The following BAZ2B variants were observed in gnomAD, a reference collection of about 807,000 sequenced individuals.
BAZ2B encodes bromodomain adjacent to zinc finger domain protein 2B.
BAZ2B carries 91 observed loss-of-function variants against 246.0 expected under a neutral mutation model. That is an observed-to-expected ratio of 0.37 (90% CI 0.31 to 0.44). The LOEUF is 0.44. Ranked by LOEUF, BAZ2B falls within the 20% of genes least tolerant of loss-of-function variation. The pLI is 1.00. For synonymous variants in BAZ2B, 855 were observed against 860.0 expected (o/e 0.99, Z 0.10); for missense variants, 2,332 against 2,533.7 (o/e 0.92, Z 1.71).
At chr2:159,323,360 A>T (rs1287364729) in intron 36 of BAZ2B, among the ~76,000 whole-genome samples, 2 of 152,130 alleles carry the variant, frequency 1.3e-5, no homozygotes, top group African/African-American at 4.8e-5. Context: ...GGTTTACGTT[A>T]ATCTTTTATC....
At chr2:159,414,377 C>T (rs1411224536) in intron 13 of BAZ2B, among the ~76,000 whole-genome samples, 3 of 151,768 alleles carry the variant, frequency 2.0e-5, no homozygotes, top group African/African-American at 7.3e-5. Flanking sequence ...ATGGTGACTA[C>T]AATCAACAAT....
Position 159,431,146 on chromosome 2 carries a change from A to G in BAZ2B, c.1911T>C (p.Ser637=), listed in dbSNP as rs767191448. 6.2e-7 allele frequency: 1 copy of G among 1,604,956 alleles called. No individual in the cohort carries two copies. The highest frequency in any genetic ancestry group is 2.2e-5 in the East Asian group (1 of 44,750). ...ATCCTTCTGTATCTGATTCTGAATT[A>G]CTATCTGATTCTGGGAAGTAAAAGA... is the stretch of plus-strand genomic sequence containing the variant. ...ESDDSQSESD[S]NSESDTEGSE... is the part of the protein sequence containing the mutation. Residue 637 remains serine (S), a synonymous_variant, in exon 10 of 37, where the codon AGT becomes AGC. Coordinates refer to ENST00000392783, the MANE Select transcript of BAZ2B (RefSeq NM_013450.4).
intron 1 of BAZ2B, among the ~76,000 whole-genome samples, chr2:159,558,871 T>G (rs77348133): frequency 6.0e-4 from 92 of 152,098 alleles, no homozygotes; most frequent in African/African-American, 2.1e-3. Flanking sequence ...TTAAGATGGG[T>G]AAAAGAAGAT....
At position 159,350,309 on chromosome 2, in the gene BAZ2B, C is replaced by T; in HGVS notation, c.4262G>A (p.Ser1421Asn). ...KEREKLKKAE[S>N]VQIKEEMFET... ...AAACATTTCTTCTTTGATCTGGACACTTTCTGCCTTTTTCAGTTTTTCTCT... is the reference window on the plus strand; with the variant it reads ...AAACATTTCTTCTTTGATCTGGACATTTTCTGCCTTTTTCAGTTTTTCTCT... Residue 1421 changes from serine to asparagine, a missense_variant, in exon 28 of 37, where the codon AGT becomes AAT. Ser to Asn is a conservative substitution (Grantham distance 46, BLOSUM62 1). This residue lies in a region of BAZ2B where 676 missense variants were observed against 668.6 expected (regional missense o/e 1.01). Coordinates refer to ENST00000392783, the MANE Select transcript of BAZ2B (RefSeq NM_013450.4). 6.3e-7 allele frequency: 1 copy of T among 1,579,328 alleles called. No homozygotes were observed. The highest frequency in any genetic ancestry group is 1.7e-4 in the Middle Eastern group (1 of 5,896).
intron 3 of BAZ2B, among the ~76,000 whole-genome samples, chr2:159,455,330 A>G (rs978141495): frequency 2.0e-5 from 3 of 152,144 alleles, no homozygotes; most frequent in Admixed American, 6.5e-5. Flanking sequence ...TAAAACCTAT[A>G]TTCTTTATTA....
downstream of BAZ2B, among the ~76,000 whole-genome samples, chr2:159,317,958 A>T (rs139156292): frequency 4.8e-3 from 736 of 152,328 alleles, 3 homozygotes; most frequent in Non-Finnish European, 7.4e-3. Flanking sequence ...AGTAACAACA[A>T]TGAAGACACC....
chr2:159,597,989 C>T (rs986859548), intron 1 of BAZ2B, among the ~76,000 whole-genome samples: 2 of 90,142 alleles, frequency 2.2e-5, no homozygotes, highest in South Asian at 4.1e-4. Flanking sequence ...ACCACATAGA[C>T]GTATTCTTTT....
chr2:159,415,921 G>A (rs2067631055), intron 13 of BAZ2B, among the ~76,000 whole-genome samples: 1 of 151,992 alleles, frequency 6.6e-6, no homozygotes, highest in East Asian at 2.0e-4. Context: ...TATCTCATAT[G>A]GTGGGTTTTA....
chr2:159,439,357 T>G, intron 6 of BAZ2B, 145 bp from the exon 7 acceptor site: 1 of 732,606 alleles, frequency 1.4e-6, no homozygotes, highest in East Asian at 2.7e-5. Context: ...GTAAGGATAA[T>G]TATTTAACAA....
intron 14 of BAZ2B, among the ~76,000 whole-genome samples, chr2:159,407,711 A>G (rs1320851860): frequency 6.6e-6 from 1 of 152,174 alleles, no homozygotes; most frequent in African/African-American, 2.4e-5. Context: ...AATAAAATGG[A>G]AGATGATGAT....
Position 159,530,580 on chromosome 2 carries a change from T to C in BAZ2B, c.-3+25243A>G, listed in dbSNP as rs145713480. 7.1e-4 allele frequency among the ~76,000 whole-genome samples: 108 copies of C among 152,324 alleles called. No homozygotes were observed. In the East Asian group the frequency reaches 0.017, roughly 24 times the overall value. Reference sequence around the variant, plus strand: ...AATTGGTTCTGCTTCATATAAAATATTTATTGAGGAATAACAACAGAGTTA... The same window carrying C: ...AATTGGTTCTGCTTCATATAAAATACTTATTGAGGAATAACAACAGAGTTA... On this transcript the variant is annotated intron_variant, in intron 2 of 36. Transcript: ENST00000392783.
At chr2:159,701,025 T>C in the BAZ2B span, among the ~76,000 whole-genome samples, 1 of 152,226 alleles carries the variant, frequency 6.6e-6, no homozygotes, top group Non-Finnish European at 1.5e-5. Flanking sequence ...AGAGCAAATT[T>C]AATTGGCAAA....
chr2:159,482,241 C>T (rs1246155962), intron 2 of BAZ2B, among the ~76,000 whole-genome samples: 1 of 151,110 alleles, frequency 6.6e-6, no homozygotes, highest in Non-Finnish European at 1.5e-5. Context: ...GAATGAAGAA[C>T]AGACTACATT....
chr2:159,541,806 C>G (rs1197615846), intron 2 of BAZ2B, among the ~76,000 whole-genome samples: 2 of 152,120 alleles, frequency 1.3e-5, no homozygotes, highest in Non-Finnish European at 2.9e-5. Context: ...CCAGGTTCCT[C>G]TCATTTCAGC....
chr2:159,602,928 G>A (rs1436250706), intron 1 of BAZ2B, among the ~76,000 whole-genome samples: 1 of 152,162 alleles, frequency 6.6e-6, no homozygotes, highest in Non-Finnish European at 1.5e-5. Context: ...CTTCAGGCCG[G>A]GAGTTCAAGA....
intron 4 of BAZ2B, among the ~76,000 whole-genome samples, chr2:159,448,919 A>C (rs2074639772): frequency 6.6e-6 from 1 of 152,222 alleles, no homozygotes; most frequent in Non-Finnish European, 1.5e-5. Context: ...GAAAACTTCT[A>C]TACTTAAAGA....
In BAZ2B at chr2:159,336,129, C is replaced by T. The variant is rs939859487; in HGVS notation, c.5796+813G>A. Among the ~76,000 whole-genome samples, 3 of 152,144 alleles carry T rather than the reference C, an allele frequency of 2.0e-5. No individual in the cohort carries two copies. The East Asian group carries it at 5.8e-4, about 29-fold the overall frequency. On this transcript the variant is annotated intron_variant, in intron 33 of 36. Transcript: ENST00000392783. Reference sequence around the variant, plus strand: ...TGAGCCAAGATTGTGCCACTGCACTCCAGCCTGGGTGAGCGAGACTCTGTC... The same window carrying T: ...TGAGCCAAGATTGTGCCACTGCACTTCAGCCTGGGTGAGCGAGACTCTGTC...
At chr2:159,690,192 C>T in the BAZ2B span, 4 of 476,422 alleles carry the variant, frequency 8.4e-6, no homozygotes, top group Non-Finnish European at 1.2e-5. Context: ...GTCTTTCCAA[C>T]ATTTCTTATA....
chr2:159,337,886 A>G (rs1006857679), intron 31 of BAZ2B, 114 bp from the exon 32 acceptor site: 7 of 1,011,274 alleles, frequency 6.9e-6, no homozygotes, highest in African/African-American at 3.3e-5. Context: ...GATTGTTACT[A>G]AAAGATTTTA....
Sources: allele counts gnomAD v4.1 joint callset (sites outside exome capture counted in the v4.1 genomes callset), GRCh38; gene constraint gnomAD v4.1.1; regional missense constraint gnomAD v4.1.1; transcripts MANE v1.5; gene names NCBI Gene and HGNC (gene_info 2026-07-23, HGNC 2026-07-21).